The following ATXN7L1 variants were observed in gnomAD, a reference collection of about 807,000 sequenced individuals.
ATXN7L1 encodes ataxin 7 like 1, also known as ataxin-7-like protein 1.
Under a neutral mutation model 70.8 loss-of-function variants are expected in ATXN7L1, and 15 were observed. The ratio of observed to expected loss-of-function variants is 0.21; its 90% CI spans 0.14 to 0.33. The LOEUF (loss-of-function observed/expected upper bound fraction) is 0.33. Ranked by LOEUF, ATXN7L1 falls within the 10% of genes least tolerant of loss-of-function variation. The pLI is 1.00. For synonymous variants in ATXN7L1, 440 were observed against 445.1 expected (o/e 0.99, Z 0.14); for missense variants, 975 against 1,097.1 (o/e 0.89, Z 1.57).
chr7:105,759,914 G>A (rs1400631346), intron 3 of ATXN7L1, among the ~76,000 whole-genome samples: 3 of 152,070 alleles, frequency 2.0e-5, no homozygotes, highest in Non-Finnish European at 4.4e-5. Context: ...ATTAAGGCAT[G>A]TCATTGAAAG....
At chr7:105,767,044 C>T (rs1801358207) in intron 3 of ATXN7L1, among the ~76,000 whole-genome samples, 1 of 152,200 alleles carries the variant, frequency 6.6e-6, no homozygotes, top group Admixed American at 6.5e-5. Flanking sequence ...GGGCAGGAAG[C>T]AAGGGTTCCA....
intron 7 of ATXN7L1, among the ~76,000 whole-genome samples, chr7:105,633,189 G>T (rs1470294788): frequency 6.6e-6 from 1 of 152,126 alleles, no homozygotes; most frequent in Admixed American, 6.6e-5. Context: ...TTTCAAGTGT[G>T]CAAGGATTCT....
At chr7:105,762,498 G>A (rs1800679145) in intron 3 of ATXN7L1, among the ~76,000 whole-genome samples, 1 of 152,156 alleles carries the variant, frequency 6.6e-6, no homozygotes, top group Non-Finnish European at 1.5e-5. Context: ...GAAGGGGCCT[G>A]CACAACCCCT....
rs55643046 is a variant in ATXN7L1 at position 105,735,323 on chromosome 7, C to T, written c.355+53281G>A. On this transcript the variant is annotated intron_variant, in intron 3 of 11. Transcript: ENST00000419735. ...CCAGTCCTTCTTTTGGGATATTCCC[C>T]GTGATTTCAGGGTCCAGGACCTTCC... Among the ~76,000 whole-genome samples the T allele has an allele frequency of 3.6e-3, 542 of 152,316 alleles. 5 individuals carry two copies. Among genetic ancestry groups the T allele is most frequent in the Middle Eastern group, 0.017 (5 of 294 alleles).
At position 105,733,441 on chromosome 7, in the gene ATXN7L1, T is replaced by A. The variant is rs1375541097; in HGVS notation, c.355+55163A>T. Among the ~76,000 whole-genome samples, 5 of 151,942 alleles carry A rather than the reference T, an allele frequency of 3.3e-5. No homozygotes were observed. In the East Asian group the frequency reaches 9.6e-4, roughly 29 times the overall value. ...AAAGCATTGTAGTGGGCATCAGGGG[T>A]ACAAAGGTGAGTAAGATCCACTTTT... On this transcript the variant is annotated intron_variant, in intron 3 of 11. Coordinates refer to ENST00000419735, the MANE Select transcript of ATXN7L1 (RefSeq NM_020725.2).
intron 2 of ATXN7L1, among the ~76,000 whole-genome samples, chr7:105,822,590 G>C (rs780008666): frequency 6.6e-6 from 1 of 152,310 alleles, no homozygotes; most frequent in Admixed American, 6.5e-5. Flanking sequence ...GTTGCTGAGC[G>C]CCTTGCAGTT....
chr7:105,667,383 T>G (rs1802772001), intron 3 of ATXN7L1, among the ~76,000 whole-genome samples: 2 of 152,294 alleles, frequency 1.3e-5, no homozygotes, highest in South Asian at 4.2e-4. Context: ...TTAGAATCAC[T>G]AAAGGTTAGA....
intron 2 of ATXN7L1, among the ~76,000 whole-genome samples, chr7:105,845,204 CAAAAAAAAAAAAA>C (rs3057532): frequency 3.2e-5 from 2 of 62,990 alleles, no homozygotes; most frequent in African/African-American, 7.0e-5. Flanking sequence ...AACTCTGTCT[CAAAAAAAAAAAAA>C]AAAAAAAAAA....
intron 3 of ATXN7L1, among the ~76,000 whole-genome samples, chr7:105,711,479 G>A (rs1188249778): frequency 2.0e-5 from 3 of 152,232 alleles, no homozygotes; most frequent in Non-Finnish European, 4.4e-5. Flanking sequence ...TGGGGGTACA[G>A]GCATTGGGTA....
chr7:105,672,460 A>G (rs564467282), intron 3 of ATXN7L1, among the ~76,000 whole-genome samples: 1 of 152,358 alleles, frequency 6.6e-6, no homozygotes, highest in East Asian at 1.9e-4. Context: ...GTAATATTCA[A>G]TCATTAATGT....
rs1554443664 is a variant in ATXN7L1, at chr7:105,731,748, A to AAAAAGAAAAGAAAAGAAAAGAGAAAAG, written c.355+56855_355+56856insCTTTTCTCTTTTCTTTTCTTTTCTTTT. On this transcript the variant is annotated intron_variant, in intron 3 of 11. Transcript: ENST00000419735. ...CTGCACCTGGGCTTTCTTACTCCTT[A>AAAAAGAAAAGAAAAGAAAAGAGAAAAG]AAAAGAAAAGAAAAGAAAAGAAAAG... is the stretch of plus-strand genomic sequence containing the variant. Among the ~76,000 whole-genome samples, 237 of 106,992 alleles carry AAAAAGAAAAGAAAAGAAAAGAGAAAAG rather than the reference A, an allele frequency of 2.2e-3. 4 individuals carry two copies. Among genetic ancestry groups the AAAAAGAAAAGAAAAGAAAAGAGAAAAG allele is most frequent in the Non-Finnish European group, 3.5e-3 (204 of 57,648 alleles). 70.2% of individuals were successfully genotyped at this position (106,992 alleles called of 152,430 possible).
intron 3 of ATXN7L1, among the ~76,000 whole-genome samples, chr7:105,755,641 G>C (rs978939877): frequency 1.3e-5 from 2 of 152,196 alleles, no homozygotes; most frequent in Non-Finnish European, 2.9e-5. Context: ...CAAGCTGTCA[G>C]ACAATCCTAC....
intron 4 of ATXN7L1, among the ~76,000 whole-genome samples, chr7:105,643,703 A>G (rs779579069): frequency 6.6e-6 from 1 of 152,200 alleles, no homozygotes; most frequent in Non-Finnish European, 1.5e-5. Flanking sequence ...GATGGGCTCA[A>G]ATTGAGTGAG....
At chr7:105,706,546 A>G (rs1202464342) in intron 3 of ATXN7L1, among the ~76,000 whole-genome samples, 1 of 152,100 alleles carries the variant, frequency 6.6e-6, no homozygotes, top group Non-Finnish European at 1.5e-5. Context: ...AGCAAAAAAC[A>G]CCACCACCAC....
intron 7 of ATXN7L1, among the ~76,000 whole-genome samples, chr7:105,627,146 C>T (rs1795821770): frequency 6.6e-6 from 1 of 152,162 alleles, no homozygotes; most frequent in South Asian, 2.1e-4. Context: ...CCTCCTTATC[C>T]TGCAGGAGAT....
chr7:105,868,083 C>G (rs556089803), intron 2 of ATXN7L1, among the ~76,000 whole-genome samples: 4 of 152,308 alleles, frequency 2.6e-5, no homozygotes, highest in African/African-American at 9.6e-5. Context: ...GGCACTTGGG[C>G]CTTTATCCCT....
At chr7:105,853,529 G>C (rs527915200) in intron 2 of ATXN7L1, among the ~76,000 whole-genome samples, 1 of 152,092 alleles carries the variant, frequency 6.6e-6, no homozygotes, top group South Asian at 2.1e-4. Flanking sequence ...ACTCCAGCCT[G>C]GGTGACAGAG....
intron 3 of ATXN7L1, among the ~76,000 whole-genome samples, chr7:105,717,258 C>T (rs1794676859): frequency 6.6e-6 from 1 of 152,018 alleles, no homozygotes; most frequent in Admixed American, 6.6e-5. Context: ...CTCCTGAGTA[C>T]GTGGGATTAT....
At chr7:105,759,007 G>T (rs1033869530) in intron 3 of ATXN7L1, among the ~76,000 whole-genome samples, 2 of 151,936 alleles carry the variant, frequency 1.3e-5, no homozygotes, top group Admixed American at 1.3e-4. Context: ...TCCTTTCTTT[G>T]AACCATTTTA....
Sources: gnomAD v4.1 joint callset for allele counts (sites outside exome capture counted in the v4.1 genomes callset) on GRCh38, gnomAD v4.1.1 for gene constraint, MANE v1.5 for transcripts, NCBI Gene and HGNC (gene_info 2026-07-23, HGNC 2026-07-21) for gene names.